Variants in HYCC2 observed in about 807,000 individuals in gnomAD.
HYCC2 encodes hyccin 2.
At chr2:201,050,921 G>A in the HYCC2 span, among the ~76,000 whole-genome samples, 3 of 152,124 alleles carry the variant, frequency 2.0e-5, no homozygotes, top group Non-Finnish European at 2.9e-5. Flanking sequence ...GGGGGACAGA[G>A]CAAGACTCCG....
the HYCC2 span, among the ~76,000 whole-genome samples, chr2:201,062,702 C>T: frequency 1.3e-5 from 2 of 150,376 alleles, no homozygotes; most frequent in Non-Finnish European, 3.0e-5. Context: ...CCTGTAATCC[C>T]AGCTACTCAA....
At chr2:200,980,229 TTC>T in the HYCC2 span, 3 of 152,570 alleles carry the variant, frequency 2.0e-5, no homozygotes, top group Non-Finnish European at 4.4e-5. Context: ...CTGAAAGGGT[TTC>T]TCTTATAGTC....
chr2:200,992,209 G>T, the HYCC2 span: 4 of 946,496 alleles, frequency 4.2e-6, no homozygotes, highest in Non-Finnish European at 6.8e-6. Context: ...TATTTGGATT[G>T]TCTTACATTT....
At chr2:201,048,568 A>G in the HYCC2 span, among the ~76,000 whole-genome samples, 2 of 150,454 alleles carry the variant, frequency 1.3e-5, no homozygotes, top group African/African-American at 4.9e-5. Flanking sequence ...TGTATGGCCC[A>G]AGACAATTCT....
the HYCC2 span, chr2:201,017,101 T>C: frequency 6.2e-7 from 1 of 1,613,994 alleles, no homozygotes; most frequent in Non-Finnish European, 8.5e-7. Flanking sequence ...AACTGCAGTG[T>C]GAACCTCTTA....
At chr2:201,062,267 C>T in the HYCC2 span, among the ~76,000 whole-genome samples, 1 of 151,882 alleles carries the variant, frequency 6.6e-6, no homozygotes, top group Non-Finnish European at 1.5e-5. Flanking sequence ...GCCTGTAATC[C>T]TGGCACTTTG....
chr2:200,982,062 A>G, the HYCC2 span, among the ~76,000 whole-genome samples: 1 of 152,096 alleles, frequency 6.6e-6, no homozygotes, highest in Admixed American at 6.6e-5. Context: ...AATAGATGTT[A>G]GTTTAGCTTT....
At chr2:200,981,953 T>G in the HYCC2 span, 22 of 1,458,204 alleles carry the variant, frequency 1.5e-5, no homozygotes, top group African/African-American at 2.8e-5. The surrounding 1 kb of genome is among the most constrained non-coding windows in gnomAD (Gnocchi z 4.5). Flanking sequence ...ACCTTATCTC[T>G]TGGGCAATGT....
chr2:201,030,696 G>A, the HYCC2 span, among the ~76,000 whole-genome samples: 14 of 150,932 alleles, frequency 9.3e-5, no homozygotes, highest in African/African-American at 3.4e-4. Flanking sequence ...CTCCTGCCTC[G>A]GCCTCCCAAG....
chr2:200,983,494 G>A, the HYCC2 span, among the ~76,000 whole-genome samples: 1 of 151,966 alleles, frequency 6.6e-6, no homozygotes, highest in Non-Finnish European at 1.5e-5. Context: ...AAAGCAAAAG[G>A]CACCTTATTA....
At chr2:201,055,108 C>T in the HYCC2 span, among the ~76,000 whole-genome samples, 1 of 152,156 alleles carries the variant, frequency 6.6e-6, no homozygotes, top group Admixed American at 6.6e-5. Flanking sequence ...ACTTAGTTAA[C>T]TGACACAGTT....
At chr2:201,016,749 AC>A in the HYCC2 span, among the ~76,000 whole-genome samples, 1 of 151,592 alleles carries the variant, frequency 6.6e-6, no homozygotes, top group Non-Finnish European at 1.5e-5. Flanking sequence ...ACAGGAACAC[AC>A]CACCATGCTC....
At chr2:201,057,790 A>T in the HYCC2 span, among the ~76,000 whole-genome samples, 1 of 152,206 alleles carries the variant, frequency 6.6e-6, no homozygotes, top group Non-Finnish European at 1.5e-5. Context: ...TTGACCTTAC[A>T]GAGAAGTAGC....
chr2:201,036,635 A>C, the HYCC2 span, among the ~76,000 whole-genome samples: 2 of 152,218 alleles, frequency 1.3e-5, no homozygotes, highest in Non-Finnish European at 2.9e-5. Context: ...ACAGAACCAA[A>C]GACAAAAACC....
At chr2:201,046,232 T>C in the HYCC2 span, among the ~76,000 whole-genome samples, 1 of 152,246 alleles carries the variant, frequency 6.6e-6, no homozygotes, top group Non-Finnish European at 1.5e-5. Flanking sequence ...AAGTAATAAC[T>C]ATTTTCATGT....
the HYCC2 span, among the ~76,000 whole-genome samples, chr2:201,071,238 C>T: frequency 6.6e-6 from 1 of 152,216 alleles, no homozygotes. Flanking sequence ...TTTCTCTTAA[C>T]TGTCTTCAAT....
chr2:200,997,486 C>CA, the HYCC2 span: 1 of 1,613,406 alleles, frequency 6.2e-7, no homozygotes, highest in Non-Finnish European at 8.5e-7. Context: ...ATGAGGCAGG[C>CA]ATATATACAA....
the HYCC2 span, chr2:201,021,355 A>G: frequency 6.5e-6 from 1 of 153,708 alleles, no homozygotes; most frequent in African/African-American, 2.4e-5. Flanking sequence ...CTGGACCTTG[A>G]GCTCGCATCC....
At chr2:201,001,366 T>C in the HYCC2 span, among the ~76,000 whole-genome samples, 1 of 152,138 alleles carries the variant, frequency 6.6e-6, no homozygotes, top group Non-Finnish European at 1.5e-5. Flanking sequence ...TATTTTGTTA[T>C]AGCAGCCCAA....
Sources: gnomAD v4.1 joint callset for allele counts (sites outside exome capture counted in the v4.1 genomes callset) on GRCh38, gnomAD v4.1.1 for gene constraint, Gnocchi (gnomAD v3.1) non-coding constraint, MANE v1.5 for transcripts, NCBI Gene and HGNC (gene_info 2026-07-23, HGNC 2026-07-21) for gene names.